Variants in CWF19L2 observed in about 807,000 individuals in gnomAD.
The protein encoded by CWF19L2 is CWF19-like protein 2.
CWF19L2 carries 98 observed loss-of-function variants against 111.7 expected under a neutral mutation model. The observed-to-expected ratio is 0.88, with a 90% confidence interval of 0.75 to 1.04. The LOEUF is 1.04. CWF19L2 is among the 50% of genes least tolerant of loss of function. The probability of loss-of-function intolerance (pLI) is 0.00; values close to 1 mark genes in which losing one functional copy is unlikely to be tolerated. For missense variants in CWF19L2, 1,101 were observed against 1,051.4 expected, an observed-to-expected ratio of 1.05 and a Z score of -0.65; for synonymous variants, 351 against 342.9, an observed-to-expected ratio of 1.02 and a Z score of -0.26.
chr11:107,421,459 T>A (rs1276675733), intron 8 of CWF19L2, among the ~76,000 whole-genome samples: 1 of 152,094 alleles, frequency 6.6e-6, no homozygotes, highest in Non-Finnish European at 1.5e-5. Context: ...AACGCTGATA[T>A]TTAAGGCAAT....
intron 10 of CWF19L2, among the ~76,000 whole-genome samples, chr11:107,410,652 A>G (rs955124863): frequency 5.3e-5 from 8 of 152,228 alleles, no homozygotes; most frequent in African/African-American, 1.9e-4. Context: ...TTTAAAAAAC[A>G]ATCAGTAATA....
chr11:107,439,227 A>C (rs1191498149), intron 5 of CWF19L2, 44 bp from the exon 6 acceptor site: 2 of 1,082,328 alleles, frequency 1.8e-6, no homozygotes, highest in Non-Finnish European at 2.7e-6. Flanking sequence ...AAAAATTAAC[A>C]AATTATAAAA....
chr11:107,443,166 T>C (rs765553469), intron 3 of CWF19L2, 117 bp from the exon 4 acceptor site: 1 of 697,680 alleles, frequency 1.4e-6, no homozygotes, highest in South Asian at 1.8e-5. Flanking sequence ...ACACTGTATT[T>C]CCCCTTTACA....
intron 8 of CWF19L2, among the ~76,000 whole-genome samples, chr11:107,423,689 T>A (rs1163699489): frequency 6.6e-6 from 1 of 151,902 alleles, no homozygotes; most frequent in African/African-American, 2.4e-5. Flanking sequence ...GTTATTCCAA[T>A]AGATGCTTAC....
At chr11:107,437,231 A>T (rs753927343) in intron 6 of CWF19L2, among the ~76,000 whole-genome samples, 1 of 152,210 alleles carries the variant, frequency 6.6e-6, no homozygotes, top group Non-Finnish European at 1.5e-5. Flanking sequence ...CATTAACTAT[A>T]TAAGATAGGT....
intron 10 of CWF19L2, among the ~76,000 whole-genome samples, chr11:107,406,836 C>G (rs1171188981): frequency 1.3e-5 from 2 of 151,374 alleles, no homozygotes; most frequent in Non-Finnish European, 2.9e-5. Flanking sequence ...CGTATCTACT[C>G]TTTGTTATGT....
chr11:107,398,963 T>C (rs502338), intron 10 of CWF19L2, among the ~76,000 whole-genome samples: 108,865 of 152,014 alleles, frequency 0.72, 39,340 homozygotes, highest in Non-Finnish European at 0.77. Flanking sequence ...AAGACACAGT[T>C]GTTTTCAGAC....
In CWF19L2 at chr11:107,382,140, T is replaced by TG. The variant is rs1027008369; in HGVS notation, c.1872+7933dup. ...TAACACTGACGTCTTAAATTTTAAA[T>TG]GGAAGAGTTTATATTTAAAGAATGC... On this transcript the variant is annotated intron_variant, in intron 12 of 17. Transcript: ENST00000282251. 4.4e-4 allele frequency among the ~76,000 whole-genome samples: 67 copies of TG among 152,306 alleles called. 1 individual carries two copies. Among genetic ancestry groups the TG allele is most frequent in the African/African-American group, 1.6e-3 (66 of 41,564 alleles).
intron 10 of CWF19L2, among the ~76,000 whole-genome samples, chr11:107,393,998 C>T (rs914517454): frequency 1.3e-5 from 2 of 151,834 alleles, no homozygotes; most frequent in African/African-American, 4.8e-5. Context: ...CTGTAAAAAA[C>T]CTGCATATGC....
intron 14 of CWF19L2, among the ~76,000 whole-genome samples, chr11:107,339,199 G>C (rs1212022111): frequency 1.3e-5 from 2 of 152,090 alleles, no homozygotes; most frequent in African/African-American, 2.4e-5. Flanking sequence ...GAGTATTCCT[G>C]ATATGGATGT....
chr11:107,405,850 A>AAAGAAGAAGAAG (rs3050912), intron 10 of CWF19L2, among the ~76,000 whole-genome samples: 59 of 141,848 alleles, frequency 4.2e-4, no homozygotes, highest in East Asian at 8.1e-4. Context: ...AAAAAAAAAA[A>AAAGAAGAAGAAG]AAGAAGAAGA....
intron 14 of CWF19L2, among the ~76,000 whole-genome samples, chr11:107,346,628 C>G (rs1481621595): frequency 1.3e-5 from 2 of 152,116 alleles, no homozygotes; most frequent in East Asian, 3.9e-4. Flanking sequence ...ATTAAAAAAG[C>G]AATCAACATG....
At chr11:107,445,774 G>A (rs56996587) in intron 3 of CWF19L2, among the ~76,000 whole-genome samples, 1,731 of 152,100 alleles carry the variant, frequency 0.011, 35 homozygotes, top group African/African-American at 0.039. Flanking sequence ...TCTGACCACC[G>A]TACTTCTCTT....
intron 15 of CWF19L2, among the ~76,000 whole-genome samples, chr11:107,336,292 G>A (rs539705554): frequency 6.6e-6 from 1 of 152,074 alleles, no homozygotes; most frequent in South Asian, 2.1e-4. Context: ...GACTACAGGT[G>A]CCCACCACCA....
intron 12 of CWF19L2, among the ~76,000 whole-genome samples, chr11:107,368,096 T>A (rs1860458159): frequency 8.9e-6 from 1 of 111,826 alleles, no homozygotes; most frequent in Non-Finnish European, 1.8e-5. Flanking sequence ...AAAAGAGAGA[T>A]CCGGGCAGAA....
intron 12 of CWF19L2, among the ~76,000 whole-genome samples, chr11:107,357,139 A>G (rs71488252): frequency 6.6e-6 from 1 of 152,206 alleles, no homozygotes; most frequent in East Asian, 1.9e-4. Context: ...AAAGGACAGA[A>G]CCAGGAATCA....
intron 14 of CWF19L2, among the ~76,000 whole-genome samples, chr11:107,338,830 T>G (rs959683498): frequency 7.9e-5 from 12 of 152,224 alleles, no homozygotes; most frequent in Admixed American, 7.9e-4. Context: ...GATGGGCATT[T>G]AGGTTGATTC....
At chr11:107,404,052 T>C (rs1861044700) in intron 10 of CWF19L2, 3 of 769,754 alleles carry the variant, frequency 3.9e-6, no homozygotes, top group Non-Finnish European at 7.2e-6. Flanking sequence ...ATCATCATAA[T>C]CATCTGGATC....
At chr11:107,449,326 CAT>C (rs1861746759) in intron 3 of CWF19L2, among the ~76,000 whole-genome samples, 1 of 151,912 alleles carries the variant, frequency 6.6e-6, no homozygotes, top group Non-Finnish European at 1.5e-5. Flanking sequence ...TATTATAATA[CAT>C]GTTAATGAAA....
Sources: gnomAD v4.1 joint callset for allele counts (sites outside exome capture counted in the v4.1 genomes callset) on GRCh38, gnomAD v4.1.1 for gene constraint, MANE v1.5 for transcripts, NCBI Gene and HGNC (gene_info 2026-07-23, HGNC 2026-07-21) for gene names.